Variants in AMPD2 observed in about 807,000 individuals in gnomAD.
AMPD2 encodes AMP deaminase 2.
AMPD2 carries 52 observed loss-of-function variants against 91.3 expected under a neutral mutation model. That is an observed-to-expected ratio of 0.57 (90% CI 0.46 to 0.72). The LOEUF (loss-of-function observed/expected upper bound fraction) is 0.72, where lower values mean the gene tolerates loss of function less well. Ranked by LOEUF, AMPD2 falls within the 30% of genes least tolerant of loss-of-function variation. The pLI, the probability that AMPD2 is intolerant of heterozygous loss-of-function variation, is 0.00. For missense variants in AMPD2, 822 were observed against 1,122.3 expected (o/e 0.73, Z 3.82); for synonymous variants, 455 against 456.4 (o/e 1.00, Z 0.04).
At position 109,621,030 on chromosome 1, in the gene AMPD2, AGGGCCT is replaced by A; in HGVS notation, c.-145_-140del. On this transcript the variant is annotated 5_prime_UTR_variant, in exon 2 of 19. Transcript: ENST00000528667. ...CTAGACAACATGAGAAATCGTGGCC[AGGGCCT>A]CTTCCGCCTGCGGAGCCGCTGCTTC... 6.3e-7 allele frequency: 1 copy of A among 1,597,898 alleles called. No homozygotes were observed. The highest frequency in any genetic ancestry group is 8.5e-7 in the Non-Finnish European group (1 of 1,172,372).
rs1553228983 is a variant in AMPD2, at chr1:109,625,103, G to GGGTGAGGGGTCCCTGCGTTAGA, written c.92-191_92-170dup. 2.6e-5 allele frequency among the ~76,000 whole-genome samples: 4 copies of GGGTGAGGGGTCCCTGCGTTAGA among 152,122 alleles called. No individual in the cohort carries two copies. The highest frequency in any genetic ancestry group is 5.9e-5 in the Non-Finnish European group (4 of 67,986). ...AGAATCCCCACCCCAAGCCTGGAAT[G>GGGTGAGGGGTCCCTGCGTTAGA]GGTGAGGGGTCCCTGCGTTAGAGGT... On this transcript the variant is annotated intron_variant, in intron 2 of 18. Transcript: ENST00000528667. The surrounding 1 kb of genome is among the most constrained non-coding windows in gnomAD (Gnocchi z 4.0).
At position 109,624,888 on chromosome 1, in the gene AMPD2, G is replaced by A. The variant is rs1650518477; in HGVS notation, c.92-415G>A. Among the ~76,000 whole-genome samples the A allele has an allele frequency of 6.6e-6, 1 of 152,122 alleles. No homozygotes were observed. Among genetic ancestry groups the A allele is most frequent in the African/African-American group, 2.4e-5 (1 of 41,414 alleles). ...CAGGCTGGGGGTCCCTGGTGTGGCC[G>A]CCTGGTCCTTACCAAGCACCTGGTG... On this transcript the variant is annotated intron_variant, in intron 2 of 18. Transcript: ENST00000528667. This position sits in a 1 kb window ranked among gnomAD's most constrained non-coding sequence, Gnocchi z 5.2.
chr1:109,625,456 C>T lies in AMPD2; in HGVS notation c.222+23C>T. ...GAGGTATCACCTGGCACCACCCGCA[C>T]CCTCACCCCGTGTCTCCATGCCCTG... is the stretch of plus-strand genomic sequence containing the variant. On this transcript the variant is annotated intron_variant, in intron 3 of 18. Transcript: ENST00000528667. This position sits in a 1 kb window ranked among gnomAD's most constrained non-coding sequence, Gnocchi z 4.0. The T allele has an allele frequency of 6.2e-7, 1 of 1,613,766 alleles. No individual in the cohort carries two copies.
At chr1:109,627,384 C>T (rs1303513597) in intron 8 of AMPD2, 45 bp from the exon 9 acceptor site, 2 of 1,613,730 alleles carry the variant, frequency 1.2e-6, no homozygotes, top group African/African-American at 1.3e-5. Flanking sequence ...GGAGAGGCCA[C>T]AGGGCTCGGC....
chr1:109,627,808 A>G lies in AMPD2; in HGVS notation c.985A>G (p.Ser329Gly). Reference protein sequence around the residue: ...SFCYRRLQYLSSKFQMHVLLN... With the variant: ...SFCYRRLQYLGSKFQMHVLLN... ...CTGCTACCGCCGGCTGCAGTACCTGAGCTCCAAGTTCCAGATGCATGTGCT... is the reference window on the plus strand; with the variant it reads ...CTGCTACCGCCGGCTGCAGTACCTGGGCTCCAAGTTCCAGATGCATGTGCT... The change falls in exon 10 of 19, where the codon AGC becomes GGC. Residue 329 changes from serine (S) to glycine (G), a missense_variant. Transcript: ENST00000528667. 1 of 1,613,914 alleles carries G rather than the reference A, an allele frequency of 6.2e-7. No homozygotes were observed. Among genetic ancestry groups the G allele is most frequent in the Non-Finnish European group, 8.5e-7 (1 of 1,179,970 alleles).
intron 2 of AMPD2, 34 bp downstream of exon 2, chr1:109,621,300 C>T: frequency 1.2e-6 from 2 of 1,606,592 alleles, no homozygotes; most frequent in Non-Finnish European, 1.7e-6. Context: ...AGGATAGATG[C>T]TGGGCTCTGT....
At position 109,621,133 on chromosome 1, in the gene AMPD2, GT is replaced by G; in HGVS notation, c.-42del. The G allele has an allele frequency of 6.3e-7, 1 of 1,598,250 alleles. No individual in the cohort carries two copies. The highest frequency in any genetic ancestry group is 1.3e-5 in the African/African-American group (1 of 74,486). On this transcript the variant is annotated 5_prime_UTR_variant, in exon 2 of 19. Coordinates refer to ENST00000528667, the MANE Select transcript of AMPD2 (RefSeq NM_001368809.2). ...ATGTGGCAGAGCCAGGCCCCAGCCGGTGCCGCTCAGACTCCCCCGCTGTCGC... is the reference window on the plus strand; with the variant it reads ...ATGTGGCAGAGCCAGGCCCCAGCCGGGCCGCTCAGACTCCCCCGCTGTCGC...
rs769851350 is a variant in AMPD2, at chr1:109,621,015, T to C, written c.-161T>C. 2 of 1,583,840 alleles carry C rather than the reference T, an allele frequency of 1.3e-6. No homozygotes were observed. The highest frequency in any genetic ancestry group is 1.1e-5 in the South Asian group (1 of 86,964). ...ACTCCCCGAGGTTGCCTAGACAACA[T>C]GAGAAATCGTGGCCAGGGCCTCTTC... On this transcript the variant is annotated 5_prime_UTR_variant, in exon 2 of 19. It removes an upstream start codon present in the reference 5' UTR. Coordinates refer to ENST00000528667, the MANE Select transcript of AMPD2 (RefSeq NM_001368809.2).
At position 109,630,493 on chromosome 1, in the gene AMPD2, T is replaced by G. The variant is rs898312562; in HGVS notation, c.2157+87T>G. ...GGGTGGGGGGCGGTGGGGGGGGCGGTCTCTCGGGTTGGTGCTGCCCCCTGC... is the reference window on the plus strand; with the variant it reads ...GGGTGGGGGGCGGTGGGGGGGGCGGGCTCTCGGGTTGGTGCTGCCCCCTGC... On this transcript the variant is annotated intron_variant, in intron 17 of 18. Transcript: ENST00000528667. 46 of 1,075,496 alleles carry G rather than the reference T, an allele frequency of 4.3e-5. No homozygotes were observed. In the African/African-American group the frequency reaches 4.7e-4, roughly 11 times the overall value. The allele number at this position is 1,075,496 out of a possible 1,614,324, so 66.6% of individuals were successfully genotyped here.
Position 109,630,269 on chromosome 1 carries a change from A to G in AMPD2, c.2020A>G (p.Ile674Val). Residue 674 changes from isoleucine (I) to valine (V), a missense_variant, in exon 17 of 19, where the codon ATC becomes GTC. Ile to Val is a conservative substitution (Grantham distance 29). This residue lies in a region of AMPD2 where 430 missense variants were observed against 606.0 expected (regional missense o/e 0.71). Coordinates refer to ENST00000528667, the MANE Select transcript of AMPD2 (RefSeq NM_001368809.2). Reference protein sequence around the residue: ...VLQYLYYLAQIGIAMSPLSNN... With the variant: ...VLQYLYYLAQVGIAMSPLSNN... ...GCAGTACCTGTACTACCTGGCCCAG[A>G]TCGGCATCGCCATGTCTCCGCTCAG... 2 of 1,613,656 alleles carry G rather than the reference A, an allele frequency of 1.2e-6. No homozygotes were observed. The highest frequency in any genetic ancestry group is 1.1e-5 in the South Asian group (1 of 91,072).
rs758520777 is a variant in AMPD2, at chr1:109,620,314, T to A, written c.-263+36T>A. 1.9e-5 allele frequency: 30 copies of A among 1,612,986 alleles called. No homozygotes were observed. In the South Asian group the frequency reaches 2.5e-4, roughly 14 times the overall value. ...GTACGTGTGTTGGAGGGAGGGTCTC[T>A]GGGACAGAGAAGTGCTGTGGCCAGA... On this transcript the variant is annotated intron_variant, in intron 1 of 18. Transcript: ENST00000528667.
intron 7 of AMPD2, 45 bp downstream of exon 7, chr1:109,626,957 T>C: frequency 1.3e-6 from 2 of 1,581,614 alleles, no homozygotes; most frequent in Non-Finnish European, 1.7e-6. Context: ...CCTAGCCTCC[T>C]GGGCTTCTCA....
Position 109,624,116 on chromosome 1 carries a change from C to T in AMPD2, c.92-1187C>T. On this transcript the variant is annotated intron_variant, in intron 2 of 18. Coordinates refer to ENST00000528667, the MANE Select transcript of AMPD2 (RefSeq NM_001368809.2). The surrounding 1 kb of genome is among the most constrained non-coding windows in gnomAD (Gnocchi z 5.2). ...TAGGGTTCAGGCAGGGGCCGGGGTGCGCAGGGGACGGGGTCCTGGATCTGG... is the reference window on the plus strand; with the variant it reads ...TAGGGTTCAGGCAGGGGCCGGGGTGTGCAGGGGACGGGGTCCTGGATCTGG... 5.1e-6 allele frequency: 5 copies of T among 977,788 alleles called. No homozygotes were observed. The highest frequency in any genetic ancestry group is 6.1e-6 in the Non-Finnish European group (5 of 822,960). The allele number at this position is 977,788 out of a possible 1,614,324, so 60.6% of individuals were successfully genotyped here.
chr1:109,629,489 A>G lies in AMPD2; in HGVS notation c.1861A>G (p.Arg621Gly), dbSNP rs768974976. 9.9e-6 allele frequency: 16 copies of G among 1,613,198 alleles called. No individual in the cohort carries two copies. Among genetic ancestry groups the G allele is most frequent in the Non-Finnish European group, 1.4e-5 (16 of 1,179,706 alleles). ...CATGGCCATGTTGAACCACCTGCGC[A>G]GGTGCCTGCACCACCCTGTGTCTGC... ...ANMAMLNHLR[R>G]QRGFHTFVLR... is the part of the protein sequence containing the mutation. The change falls in exon 15 of 19, where the codon AGG (arginine) becomes GGG (glycine). Residue 621 changes from arginine (R) to glycine (G), a missense_variant and splice_region_variant. This residue lies in a region of AMPD2 where 430 missense variants were observed against 606.0 expected (regional missense o/e 0.71). Transcript: ENST00000528667.
chr1:109,623,114 G>A (rs976328926), intron 2 of AMPD2, among the ~76,000 whole-genome samples: 2 of 152,160 alleles, frequency 1.3e-5, no homozygotes, highest in African/African-American at 4.8e-5. Flanking sequence ...CGGGGCTACA[G>A]GTAGAATGTA....
intron 2 of AMPD2, 183 bp downstream of exon 2, chr1:109,621,449 G>T: frequency 1.5e-6 from 1 of 661,044 alleles, no homozygotes; most frequent in South Asian, 1.6e-5. Flanking sequence ...TGGGGGGCGG[G>T]GGGTGGATCT....
intron 2 of AMPD2, among the ~76,000 whole-genome samples, chr1:109,621,940 T>C (rs1650308991): frequency 6.6e-6 from 1 of 152,204 alleles, no homozygotes; most frequent in African/African-American, 2.4e-5. Context: ...CTCACTCTAG[T>C]AAGCATCTCT....
intron 17 of AMPD2, 83 bp downstream of exon 17, chr1:109,630,489 G>GC: frequency 2.2e-6 from 1 of 456,678 alleles, no homozygotes; most frequent in Non-Finnish European, 4.3e-6. Context: ...GGTGGGGGGG[G>GC]CGGTCTCTCG....
Position 109,625,154 on chromosome 1 carries a change from C to A in AMPD2, c.92-149C>A. Reference sequence around the variant, plus strand: ...GAGGGTGAGCCCTTTGGGAGCCACACACACAGGCCTACTCCTCAGCTACTG... The same window carrying A: ...GAGGGTGAGCCCTTTGGGAGCCACAAACACAGGCCTACTCCTCAGCTACTG... On this transcript the variant is annotated intron_variant, in intron 2 of 18. Coordinates refer to ENST00000528667, the MANE Select transcript of AMPD2 (RefSeq NM_001368809.2). This position sits in a 1 kb window ranked among gnomAD's most constrained non-coding sequence, Gnocchi z 4.0. 1 of 1,125,698 alleles carries A rather than the reference C, an allele frequency of 8.9e-7. No individual in the cohort carries two copies. The highest frequency in any genetic ancestry group is 1.2e-6 in the Non-Finnish European group (1 of 807,488). 69.7% of individuals were successfully genotyped at this position (1,125,698 alleles called of 1,614,324 possible). A position where few individuals can be genotyped will look rare whatever the true frequency, so the allele number is the denominator to read the frequency against.
Sources: allele counts gnomAD v4.1 joint callset (sites outside exome capture counted in the v4.1 genomes callset), GRCh38; gene constraint gnomAD v4.1.1; regional missense constraint gnomAD v4.1.1; non-coding constraint Gnocchi (gnomAD v3.1); transcripts MANE v1.5; gene names NCBI Gene and HGNC (gene_info 2026-07-23, HGNC 2026-07-21).